The following WDR7 variants were observed in gnomAD, a reference collection of about 807,000 sequenced individuals.
The protein encoded by WDR7 is WD repeat-containing protein 7.
Under a neutral mutation model 169.4 loss-of-function variants are expected in WDR7, and 46 were observed. The observed-to-expected ratio is 0.27, with a 90% CI of 0.21 to 0.35. The LOEUF (loss-of-function observed/expected upper bound fraction) is 0.35. WDR7 is among the 10% of genes least tolerant of loss of function. The probability of loss-of-function intolerance (pLI) is 1.00; values close to 1 mark genes in which losing one functional copy is unlikely to be tolerated. For synonymous variants in WDR7, 612 were observed against 666.8 expected (o/e 0.92, Z 1.27); for missense variants, 1,534 against 1,859.3 (o/e 0.83, Z 3.22).
intron 21 of WDR7, among the ~76,000 whole-genome samples, chr18:56,911,043 A>T (rs1005842151): frequency 2.6e-5 from 4 of 152,162 alleles, no homozygotes; most frequent in Admixed American, 6.6e-5. Context: ...AGCTTTGTTG[A>T]GGCCTGTCTT....
intron 21 of WDR7, among the ~76,000 whole-genome samples, chr18:56,880,418 T>C (rs2046090517): frequency 1.3e-5 from 2 of 152,242 alleles, no homozygotes; most frequent in African/African-American, 2.4e-5. Context: ...TTTGCATTGT[T>C]CGTCAAGATT....
At chr18:56,835,824 C>CT (rs2045386400) in intron 20 of WDR7, among the ~76,000 whole-genome samples, 1 of 152,092 alleles carries the variant, frequency 6.6e-6, no homozygotes, top group African/African-American at 2.4e-5. Flanking sequence ...TTAAATATCA[C>CT]TTTAAGAAAA....
At chr18:57,016,470 C>T (rs2048209286) in intron 26 of WDR7, among the ~76,000 whole-genome samples, 1 of 152,086 alleles carries the variant, frequency 6.6e-6, no homozygotes, top group African/African-American at 2.4e-5. Context: ...TACAAGTAAA[C>T]ATAAGATGTT....
chr18:57,002,689 A>G (rs892184344), intron 26 of WDR7, among the ~76,000 whole-genome samples: 28 of 152,318 alleles, frequency 1.8e-4, no homozygotes, highest in African/African-American at 6.5e-4. Flanking sequence ...TAACACTTGA[A>G]TGGCTGCAGC....
chr18:56,921,773 C>G lies in WDR7; in HGVS notation c.3527-2149C>G, dbSNP rs368261536. The stretch of plus-strand genomic sequence containing the variant: ...TTGTCAGAACAGTGATGGAAAATAT[C>G]AAAACATCGACCACTTATTGTTTAT... On this transcript the variant is annotated intron_variant, in intron 21 of 27. Coordinates refer to ENST00000254442, the MANE Select transcript of WDR7 (RefSeq NM_015285.3). 9.2e-4 allele frequency among the ~76,000 whole-genome samples: 140 copies of G among 152,254 alleles called. 2 individuals are homozygous for G. The highest frequency in any genetic ancestry group is 3.2e-3 in the African/African-American group (133 of 41,540).
In WDR7 at chr18:56,908,494, G is replaced by C. The variant is rs575002420; in HGVS notation, c.3527-15428G>C. 6.6e-5 allele frequency among the ~76,000 whole-genome samples: 10 copies of C among 152,312 alleles called. No homozygotes were observed. The East Asian group carries it at 1.7e-3, about 26-fold the overall frequency. ...ATATTAAACATAAAACTCCTTTGCA[G>C]ATAGCATCCTAAGTGTGGAATATGA... On this transcript the variant is annotated intron_variant, in intron 21 of 27. Transcript: ENST00000254442.
In WDR7 at chr18:56,729,000, G is replaced by T. The variant is rs1286218455; in HGVS notation, c.1775-2383G>T. Among the ~76,000 whole-genome samples the T allele has an allele frequency of 2.9e-4, 44 of 152,158 alleles. 1 individual carries two copies. Among genetic ancestry groups the T allele is most frequent in the Admixed American group, 2.9e-3 (44 of 15,278 alleles). On this transcript the variant is annotated intron_variant, in intron 13 of 27. Transcript: ENST00000254442. ...GTATTTACTGACTTTGGGCTCGGTT[G>T]TTCAGAAGAGAAGAGGAAGTATAAA...
At chr18:56,956,508 A>C (rs72930724) in intron 25 of WDR7, among the ~76,000 whole-genome samples, 3,246 of 152,166 alleles carry the variant, frequency 0.021, 49 homozygotes, top group Middle Eastern at 0.048. Flanking sequence ...TGAGCTCCTC[A>C]AGTTTGTGGC....
At chr18:56,683,040 T>C (rs2144579632) in intron 5 of WDR7, among the ~76,000 whole-genome samples, 187 bp downstream of exon 5, 1 of 152,368 alleles carries the variant, frequency 6.6e-6, no homozygotes, top group African/African-American at 2.4e-5. Context: ...GAAGACTTAA[T>C]TGTTGGCTTA....
intron 20 of WDR7, among the ~76,000 whole-genome samples, chr18:56,857,905 T>G (rs1349566366): frequency 1.3e-5 from 2 of 152,158 alleles, no homozygotes; most frequent in African/African-American, 4.8e-5. Flanking sequence ...CTACCTTCTC[T>G]GTGACTCCCT....
intron 21 of WDR7, among the ~76,000 whole-genome samples, chr18:56,886,489 T>G (rs1045712575): frequency 6.6e-6 from 1 of 152,188 alleles, no homozygotes; most frequent in African/African-American, 2.4e-5. Flanking sequence ...GGTCTAAATC[T>G]TGAAACAAAT....
At chr18:56,725,022 A>G (rs1415460854) in intron 13 of WDR7, among the ~76,000 whole-genome samples, 3 of 151,696 alleles carry the variant, frequency 2.0e-5, no homozygotes, top group African/African-American at 7.3e-5. Context: ...CATGGTGTAT[A>G]TGTGCCACAT....
chr18:56,862,655 A>G (rs2045824417), intron 20 of WDR7, among the ~76,000 whole-genome samples: 1 of 151,856 alleles, frequency 6.6e-6, no homozygotes, highest in Non-Finnish European at 1.5e-5. Flanking sequence ...AAAATTTTTT[A>G]ATTATGTCTT....
intron 13 of WDR7, among the ~76,000 whole-genome samples, chr18:56,722,256 C>T (rs890118076): frequency 6.6e-6 from 1 of 152,090 alleles, no homozygotes; most frequent in African/African-American, 2.4e-5. Flanking sequence ...AAACGTTTTT[C>T]ATGCTTTTAT....
chr18:56,728,996 G>A (rs1036795508), intron 13 of WDR7, among the ~76,000 whole-genome samples: 4 of 152,112 alleles, frequency 2.6e-5, no homozygotes, highest in Non-Finnish European at 4.4e-5. Flanking sequence ...CTTTGGGCTC[G>A]GTTGTTCAGA....
At position 56,766,451 on chromosome 18, in the gene WDR7, G is replaced by A. The variant is rs978066404; in HGVS notation, c.2848+7498G>A. Among the ~76,000 whole-genome samples the A allele has an allele frequency of 3.9e-5, 6 of 152,114 alleles. 1 individual carries two copies. Among genetic ancestry groups the A allele is most frequent in the African/African-American group, 1.4e-4 (6 of 41,510 alleles). On this transcript the variant is annotated intron_variant, in intron 16 of 27. Coordinates refer to ENST00000254442, the MANE Select transcript of WDR7 (RefSeq NM_015285.3). ...TTTCGGGATTATTTTTCCTCTCTGT[G>A]TTTTGATTGAGATAGTTTCCATTGC...
intron 19 of WDR7, among the ~76,000 whole-genome samples, chr18:56,814,318 A>AT (rs1174791891): frequency 2.0e-5 from 3 of 152,196 alleles, no homozygotes; most frequent in African/African-American, 7.2e-5. Flanking sequence ...TTCTCTGATC[A>AT]TTTTAAAAAT....
chr18:56,868,739 A>G (rs1371959212), intron 20 of WDR7, among the ~76,000 whole-genome samples: 1 of 152,136 alleles, frequency 6.6e-6, no homozygotes, highest in Admixed American at 6.5e-5. Flanking sequence ...TCCTTTTCTC[A>G]TGGAAATGCG....
intron 20 of WDR7, among the ~76,000 whole-genome samples, chr18:56,868,655 A>G (rs1390657057): frequency 2.0e-5 from 3 of 152,176 alleles, no homozygotes; most frequent in Admixed American, 6.6e-5. Context: ...ATGAGAAAAT[A>G]TCTGAGAATG....
Sources: allele counts gnomAD v4.1 joint callset (sites outside exome capture counted in the v4.1 genomes callset), GRCh38; gene constraint gnomAD v4.1.1; transcripts MANE v1.5; gene names NCBI Gene and HGNC (gene_info 2026-07-23, HGNC 2026-07-21).